Variants in ERAP1 observed in about 807,000 individuals in gnomAD.
The protein encoded by ERAP1 is adipocyte-derived leucine aminopeptidase.
A neutral mutation model predicts 103.7 loss-of-function variants in ERAP1; 86 were observed. The observed-to-expected ratio is 0.83, with a 90% CI of 0.70 to 0.99. The LOEUF is 0.99. ERAP1 is among the 50% of genes least tolerant of loss of function. The pLI is 0.00. For synonymous variants in ERAP1, 398 were observed against 402.4 expected (o/e 0.99, Z 0.13); for missense variants, 1,009 against 1,128.4 (o/e 0.89, Z 1.52).
the ERAP1 span, among the ~76,000 whole-genome samples, chr5:96,847,014 G>A: frequency 0.6 from 90,526 of 149,942 alleles, 28,071 homozygotes; most frequent in Non-Finnish European, 0.67. Context: ...TGAGATGGAT[G>A]GATTGCCTGA....
chr5:96,922,788 GTATT>G, the ERAP1 span, among the ~76,000 whole-genome samples: 3 of 152,150 alleles, frequency 2.0e-5, no homozygotes, highest in Admixed American at 6.5e-5. Flanking sequence ...TTAAAGATTT[GTATT>G]TATTTATTCT....
the ERAP1 span, among the ~76,000 whole-genome samples, chr5:96,872,317 C>A: frequency 7.1e-6 from 1 of 141,232 alleles, no homozygotes; most frequent in Admixed American, 7.4e-5. Context: ...GCCTGGGTGA[C>A]CGAATGAGAC....
At chr5:96,923,345 AAT>A in the ERAP1 span, among the ~76,000 whole-genome samples, 1 of 152,186 alleles carries the variant, frequency 6.6e-6, no homozygotes, top group South Asian at 2.1e-4. Context: ...CCTGGAAAGA[AAT>A]AACAGCAACA....
chr5:96,869,268 G>A, the ERAP1 span, among the ~76,000 whole-genome samples: 2 of 152,098 alleles, frequency 1.3e-5, no homozygotes, highest in South Asian at 2.1e-4. Context: ...CCTGAAGGCT[G>A]TAATCCATAA....
chr5:96,896,057 G>C, the ERAP1 span, among the ~76,000 whole-genome samples: 1 of 152,148 alleles, frequency 6.6e-6, no homozygotes, highest in Non-Finnish European at 1.5e-5. Context: ...GATTGCAGAT[G>C]ATAGGTCTAG....
chr5:96,804,330 G>C, intron 1 of ERAP1: 1 of 318,802 alleles, frequency 3.1e-6, no homozygotes, highest in Non-Finnish European at 6.0e-6. Flanking sequence ...CCAGGCTCAT[G>C]AAAGAAGCAA....
intron 19 of ERAP1, among the ~76,000 whole-genome samples, chr5:96,766,954 G>A (rs902001639): frequency 6.6e-6 from 1 of 152,116 alleles, no homozygotes; most frequent in Non-Finnish European, 1.5e-5. Flanking sequence ...CCTCAAGATA[G>A]CAATTCCACA....
intron 11 of ERAP1, 150 bp downstream of exon 11, chr5:96,788,381 C>G: frequency 2.2e-6 from 2 of 901,410 alleles, no homozygotes; most frequent in Non-Finnish European, 3.5e-6. Flanking sequence ...AAGATGGGGG[C>G]AGGGAGTATA....
At chr5:96,869,356 G>C in the ERAP1 span, among the ~76,000 whole-genome samples, 1 of 152,112 alleles carries the variant, frequency 6.6e-6, no homozygotes, top group Non-Finnish European at 1.5e-5. Context: ...TTTATACCAA[G>C]TGTTGGCTTC....
the ERAP1 span, chr5:96,908,825 C>T: frequency 1.1e-6 from 1 of 872,548 alleles, no homozygotes; most frequent in Non-Finnish European, 1.7e-6. Context: ...AGTGGCAGAG[C>T]TAAGATTTAA....
Position 96,790,339 on chromosome 5 carries a change from A to G in ERAP1, c.1481T>C (p.Met494Thr). 1 of 1,614,096 alleles carries G rather than the reference A, an allele frequency of 6.2e-7. No individual in the cohort carries two copies. Among genetic ancestry groups the G allele is most frequent in the Non-Finnish European group, 8.5e-7 (1 of 1,179,968 alleles). Residue 494 changes from methionine to threonine, a missense_variant, in exon 10 of 19, where the codon ATG becomes ACG. Met to Thr is a moderately conservative substitution (Grantham distance 81, BLOSUM62 -1). Coordinates refer to ENST00000443439, the MANE Select transcript of ERAP1 (RefSeq NM_001040458.3). Reference sequence around the variant, plus strand: ...TTGACTTCTAGAGCAAAAGCCATCCATCCCTTTTACACCATCTGTAGGGCA... The same window carrying G: ...TTGACTTCTAGAGCAAAAGCCATCCGTCCCTTTTACACCATCTGTAGGGCA... ...SICPTDGVKG[M>T]DGFCSRSQHS...
the ERAP1 span, among the ~76,000 whole-genome samples, chr5:96,834,039 GA>G: frequency 2.0e-5 from 3 of 152,168 alleles, no homozygotes; most frequent in African/African-American, 7.2e-5. Context: ...TAGTTGAAAT[GA>G]AAAACTGACA....
At chr5:96,793,252 T>C in intron 7 of ERAP1, 148 bp downstream of exon 7, 1 of 685,116 alleles carries the variant, frequency 1.5e-6, no homozygotes, top group Non-Finnish European at 2.6e-6. Context: ...CTAGCATTTT[T>C]GCAACACGAT....
chr5:96,820,691 A>C, the ERAP1 span, among the ~76,000 whole-genome samples: 4 of 152,174 alleles, frequency 2.6e-5, no homozygotes, highest in Non-Finnish European at 5.9e-5. Flanking sequence ...CTGATTAGTT[A>C]GTTGCCAGAT....
Position 96,803,440 on chromosome 5 carries a change from A to G in ERAP1, c.487T>C (p.Tyr163His). The G allele has an allele frequency of 6.2e-7, 1 of 1,612,850 alleles. No homozygotes were observed. Residue 163 changes from tyrosine to histidine, a missense_variant, in exon 2 of 19, where the codon TAC becomes CAC. Physicochemically the swap from Tyr to His is moderately conservative, Grantham distance 83 (BLOSUM62 2). This residue lies in a region of ERAP1 where 392 missense variants were observed against 455.2 expected (regional missense o/e 0.86). Transcript: ENST00000443439. ...GNLSETFHGF[Y>H]KSTYRTKEGE... ...TCCTTGGTTCTGTAGGTGCTTTTGT[A>G]AAATCCGTGGAAAGTCTCCGAAAGA...
At chr5:96,863,662 C>T in the ERAP1 span, among the ~76,000 whole-genome samples, 1 of 152,056 alleles carries the variant, frequency 6.6e-6, no homozygotes, top group African/African-American at 2.4e-5. Flanking sequence ...ACTTTGCTGC[C>T]TTTTTATGTG....
chr5:96,785,728 A>G, intron 13 of ERAP1, 60 bp downstream of exon 13: 1 of 1,564,924 alleles, frequency 6.4e-7, no homozygotes, highest in Non-Finnish European at 8.8e-7. Flanking sequence ...AGAAATCAAG[A>G]ATTTGAACAA....
chr5:96,900,345 C>CTTGGGG, the ERAP1 span: 100 of 1,229,790 alleles, frequency 8.1e-5, no homozygotes, highest in Non-Finnish European at 1.1e-4. Flanking sequence ...AGGGGAAATG[C>CTTGGGG]TTGGGGTATT....
the ERAP1 span, among the ~76,000 whole-genome samples, chr5:96,830,592 T>G: frequency 6.6e-6 from 1 of 152,258 alleles, no homozygotes; most frequent in Admixed American, 6.5e-5. Context: ...TCAATATAGA[T>G]AAATCTTGCA....
Sources: gnomAD v4.1 joint callset for allele counts (sites outside exome capture counted in the v4.1 genomes callset) on GRCh38, gnomAD v4.1.1 for gene constraint, gnomAD v4.1.1 regional missense constraint, MANE v1.5 for transcripts, NCBI Gene and HGNC (gene_info 2026-07-23, HGNC 2026-07-21) for gene names.